The following C1orf54 variants were observed in gnomAD, a reference collection of about 807,000 sequenced individuals.
C1orf54 encodes chromosome 1 open reading frame 54, also known as uncharacterized protein C1orf54.
A neutral mutation model predicts 14.7 loss-of-function variants in C1orf54; 12 were observed. The observed-to-expected ratio is 0.82, with a 90% CI of 0.52 to 1.32. The LOEUF is 1.32. C1orf54 is among the 40% of genes most tolerant of loss of function. The pLI is 0.00. For missense variants in C1orf54, 163 were observed against 162.2 expected (o/e 1.00, Z -0.03); for synonymous variants, 65 against 56.3 (o/e 1.16, Z -0.70).
upstream of C1orf54, chr1:150,268,849 G>A (rs1651992451): frequency 1.9e-6 from 3 of 1,568,806 alleles, no homozygotes; most frequent in South Asian, 1.1e-5. Context: ...GCCTGACCAG[G>A]ACAGGCAAAT....
At chr1:150,279,596 G>T in intron 4 of C1orf54, 47 bp from the exon 5 acceptor site, 1 of 1,536,070 alleles carries the variant, frequency 6.5e-7, no homozygotes. Context: ...GAAGTGGTAG[G>T]AGGAATGACA....
chr1:150,277,923 C>A (rs1652797644), intron 4 of C1orf54, among the ~76,000 whole-genome samples: 1 of 152,122 alleles, frequency 6.6e-6, no homozygotes, highest in Non-Finnish European at 1.5e-5. Context: ...CATGGAGAAA[C>A]CCTGTCTATA....
chr1:150,277,482 G>A (rs1481880620), intron 4 of C1orf54, among the ~76,000 whole-genome samples: 57 of 108,788 alleles, frequency 5.2e-4, no homozygotes, highest in African/African-American at 1.9e-3. Flanking sequence ...CAGCCTGGGC[G>A]ACAGAGTGAG....
At chr1:150,280,092 C>G (rs1553853154) in intron 5 of C1orf54, among the ~76,000 whole-genome samples, 1 of 152,112 alleles carries the variant, frequency 6.6e-6, no homozygotes. Flanking sequence ...GGTGTGGTAG[C>G]ACAGGCCTGC....
intron 2 of C1orf54, 114 bp downstream of exon 2, chr1:150,274,284 T>C (rs1553851935): frequency 2.6e-6 from 2 of 781,190 alleles, no homozygotes; most frequent in East Asian, 5.2e-5. Flanking sequence ...GAGAAAAATC[T>C]GGCTATGAAC....
intron 3 of C1orf54, 124 bp from the exon 4 acceptor site, chr1:150,276,398 C>T: frequency 1.4e-6 from 1 of 732,004 alleles, no homozygotes; most frequent in East Asian, 2.6e-5. Context: ...AGGGGGGAAT[C>T]CCTGAGCTTA....
chr1:150,279,571 C>G, intron 4 of C1orf54, 72 bp from the exon 5 acceptor site: 1 of 1,389,252 alleles, frequency 7.2e-7, no homozygotes, highest in Non-Finnish European at 9.9e-7. Context: ...GGCAGTCTTT[C>G]TGGAGGGGGA....
upstream of C1orf54, among the ~76,000 whole-genome samples, chr1:150,271,049 G>A (rs910984666): frequency 2.8e-4 from 42 of 149,958 alleles, 2 homozygotes; most frequent in Non-Finnish European, 7.4e-5. Flanking sequence ...CTGTGTTCAA[G>A]ACTCCAGTAT....
intron 4 of C1orf54, 82 bp downstream of exon 4, chr1:150,276,714 G>C: frequency 8.7e-7 from 1 of 1,146,632 alleles, no homozygotes; most frequent in Non-Finnish European, 1.3e-6. Flanking sequence ...GGAATACCAG[G>C]CTTTGGTGGA....
upstream of C1orf54, among the ~76,000 whole-genome samples, chr1:150,270,669 A>T (rs1373588300): frequency 6.6e-6 from 1 of 151,364 alleles, no homozygotes; most frequent in African/African-American, 2.4e-5. Flanking sequence ...AAATATTTAC[A>T]TGGAAAGTCA....
At chr1:150,270,751 C>A (rs1222415309), upstream of C1orf54, among the ~76,000 whole-genome samples, 3 of 152,078 alleles carry the variant, frequency 2.0e-5, no homozygotes, top group African/African-American at 7.2e-5. Context: ...AATCCCAGCA[C>A]TTTGGGAGGT....
chr1:150,272,969 G>A (rs143619770), intron 1 of C1orf54, 106 bp downstream of exon 1: 103 of 1,272,248 alleles, frequency 8.1e-5, no homozygotes, highest in African/African-American at 6.5e-4. Flanking sequence ...AGTGGGGAGC[G>A]ATAGAGTTTT....
At chr1:150,277,523 AAAAAG>A (rs1652766079) in intron 4 of C1orf54, among the ~76,000 whole-genome samples, 1 of 150,092 alleles carries the variant, frequency 6.7e-6, no homozygotes, top group East Asian at 1.9e-4. Flanking sequence ...AAAAAAAAAA[AAAAAG>A]AGTGAAAGAG....
At chr1:150,274,224 AT>A (rs1168678367) in intron 2 of C1orf54, 54 bp downstream of exon 2, 3 of 1,319,656 alleles carry the variant, frequency 2.3e-6, no homozygotes, top group Non-Finnish European at 3.3e-6. Context: ...GCTTCAGGAT[AT>A]TTAGTTCTGA....
At position 150,274,165 on chromosome 1, in the gene C1orf54, G is replaced by C; in HGVS notation, c.125G>C (p.Ser42Thr). 6.2e-7 allele frequency: 1 copy of C among 1,605,754 alleles called. No individual in the cohort carries two copies. Among genetic ancestry groups the C allele is most frequent in the South Asian group, 1.1e-5 (1 of 90,902 alleles). The change falls in exon 2 of 6, where the codon AGT (serine) becomes ACT (threonine). Residue 42 changes from serine (S) to threonine (T), a missense_variant. Ser to Thr is a moderately conservative substitution (Grantham distance 58). Coordinates refer to ENST00000369099, the MANE Select transcript of C1orf54 (RefSeq NM_024579.4). Reference protein sequence around the residue: ...QVVYYYTVTPSYDDFSADFTI... With the variant: ...QVVYYYTVTPTYDDFSADFTI... ...GTCTATTATTATACAGTCACCCCCA[G>C]TTATGGTGAGTACATGAAAGGCTCT...
At chr1:150,270,762 C>T (rs1353577857), upstream of C1orf54, among the ~76,000 whole-genome samples, 4 of 151,884 alleles carry the variant, frequency 2.6e-5, no homozygotes, top group Admixed American at 6.6e-5. Flanking sequence ...TTTGGGAGGT[C>T]GAGGCAGGCA....
upstream of C1orf54, chr1:150,269,004 G>C: frequency 1.9e-6 from 1 of 539,966 alleles, no homozygotes; most frequent in African/African-American, 1.9e-5. Context: ...CTTCCTCTAC[G>C]GAAGCCGAAG....
chr1:150,270,209 C>A (rs1419510028), upstream of C1orf54, among the ~76,000 whole-genome samples: 2 of 151,468 alleles, frequency 1.3e-5, no homozygotes, highest in East Asian at 3.9e-4. Flanking sequence ...AAAAACCCCA[C>A]AGAAATTGTT....
chr1:150,277,660 T>G (rs1652780444), intron 4 of C1orf54, among the ~76,000 whole-genome samples: 3 of 152,230 alleles, frequency 2.0e-5, no homozygotes, highest in South Asian at 4.1e-4. Context: ...ACAAGGCTCC[T>G]AATACTTGCT....
Sources: allele counts gnomAD v4.1 joint callset (sites outside exome capture counted in the v4.1 genomes callset), GRCh38; gene constraint gnomAD v4.1.1; transcripts MANE v1.5; gene names NCBI Gene and HGNC (gene_info 2026-07-23, HGNC 2026-07-21).